The following GLS variants were observed in gnomAD, a reference collection of about 807,000 sequenced individuals.
GLS encodes glutaminase kidney isoform, mitochondrial.
GLS carries 36 observed loss-of-function variants against 86.7 expected under a neutral mutation model. The observed-to-expected ratio is 0.42, with a 90% CI of 0.32 to 0.55. GLS has a LOEUF of 0.55. Among genes scored for constraint, GLS ranks in the 20% least tolerant of loss-of-function variants. The probability of loss-of-function intolerance (pLI) is 0.17; values close to 1 mark genes in which losing one functional copy is unlikely to be tolerated. For synonymous variants in GLS, 317 were observed against 305.9 expected, an observed-to-expected ratio of 1.04 and a Z score of -0.38; for missense variants, 528 against 833.4, an observed-to-expected ratio of 0.63 and a Z score of 4.51.
At chr2:190,933,211 C>T in intron 14 of GLS, 1 of 870,804 alleles carries the variant, frequency 1.1e-6, no homozygotes, top group Non-Finnish European at 1.4e-6. Context: ...TTCTAAAATT[C>T]ACAAATTAAA....
Position 190,913,611 on chromosome 2 carries a change from ATTTG to A in GLS, c.1038+3294_1038+3297del. On this transcript the variant is annotated intron_variant, in intron 7 of 17. Transcript: ENST00000320717. This position sits in a 1 kb window ranked among gnomAD's most constrained non-coding sequence, Gnocchi z 6.1. Reference sequence around the variant, plus strand: ...ATATGATGTAGCAGTATCCTTACGTATTTGTTTTCTTTTCACTGGTAAAAATTTC... The same window carrying A: ...ATATGATGTAGCAGTATCCTTACGTATTTTCTTTTCACTGGTAAAAATTTC... 1.0e-6 allele frequency: 1 copy of A among 970,210 alleles called. No homozygotes were observed. The highest frequency in any genetic ancestry group is 1.2e-6 in the Non-Finnish European group (1 of 816,070). The allele number at this position is 970,210 out of a possible 1,614,324, so 60.1% of individuals were successfully genotyped here.
Position 190,963,183 on chromosome 2 carries a change from A to G in GLS, c.*197A>G. The stretch of plus-strand genomic sequence containing the variant: ...AATAGAAATAAAACAATCTCCCTCC[A>G]TAATGTGAGCAATATTACCTCGTGC... On this transcript the variant is annotated 3_prime_UTR_variant, in exon 18 of 18. Coordinates refer to ENST00000320717, the MANE Select transcript of GLS (RefSeq NM_014905.5). 4 of 455,550 alleles carry G rather than the reference A, an allele frequency of 8.8e-6. No homozygotes were observed. Among genetic ancestry groups the G allele is most frequent in the Non-Finnish European group, 1.6e-5 (4 of 256,842 alleles). 28.2% of individuals were successfully genotyped at this position (455,550 alleles called of 1,614,324 possible).
In GLS at chr2:190,955,304, G is replaced by A. The variant is rs1223830965; in HGVS notation, c.1853+486G>A. Among the ~76,000 whole-genome samples the A allele has an allele frequency of 6.6e-6, 1 of 152,038 alleles. No homozygotes were observed. Among genetic ancestry groups the A allele is most frequent in the African/African-American group, 2.4e-5 (1 of 41,360 alleles). ...TACCCTGACCCCCAAACAGGCCCTG[G>A]TGTGTGATGTTCCCCTCCCTGTGTC... On this transcript the variant is annotated intron_variant, in intron 17 of 17. Transcript: ENST00000320717. This position sits in a 1 kb window ranked among gnomAD's most constrained non-coding sequence, Gnocchi z 5.6.
chr2:190,899,962 AAATT>A (rs574716218), intron 3 of GLS, among the ~76,000 whole-genome samples: 537 of 152,234 alleles, frequency 3.5e-3, no homozygotes, highest in Admixed American at 6.6e-3. Context: ...AAATAATATA[AAATT>A]AATTATTACA....
chr2:190,947,584 C>T lies in GLS; in HGVS notation c.1651-5981C>T, dbSNP rs1574617559. On this transcript the variant is annotated intron_variant, in intron 14 of 17. Transcript: ENST00000320717. The surrounding 1 kb of genome is among the most constrained non-coding windows in gnomAD (Gnocchi z 5.0). ...AACATCAGAGCCCTTAATTTAATAG[C>T]TATTATTGCGGCTGTGTATAGTCTG... Among the ~76,000 whole-genome samples the T allele has an allele frequency of 6.6e-6, 1 of 152,284 alleles. No individual in the cohort carries two copies. Among genetic ancestry groups the T allele is most frequent in the East Asian group, 1.9e-4 (1 of 5,192 alleles).
chr2:190,934,368 CT>C, intron 14 of GLS: 1 of 960,036 alleles, frequency 1.0e-6, no homozygotes, highest in Non-Finnish European at 1.2e-6. Context: ...GCCAAAAAGC[CT>C]TTTGGGCTAA....
In GLS at chr2:190,888,493, C is replaced by T. The variant is rs577903744; in HGVS notation, c.387-6659C>T. ...ACTGTAATACAGTGATGCTGTAAGA[C>T]AAGTGCTGGCACACTTTCCCTGAAA... On this transcript the variant is annotated intron_variant, in intron 1 of 17. Coordinates refer to ENST00000320717, the MANE Select transcript of GLS (RefSeq NM_014905.5). Among the ~76,000 whole-genome samples, 6 of 152,292 alleles carry T rather than the reference C, an allele frequency of 3.9e-5. No individual in the cohort carries two copies. The South Asian group carries it at 1.2e-3, about 32-fold the overall frequency.
At chr2:190,903,211 AT>A (rs919245868) in intron 5 of GLS, among the ~76,000 whole-genome samples, 1 of 151,696 alleles carries the variant, frequency 6.6e-6, no homozygotes. Flanking sequence ...GGTGATTTTA[AT>A]TTTTTTTTAC....
chr2:190,933,140 T>G, intron 14 of GLS: 1 of 864,108 alleles, frequency 1.2e-6, no homozygotes, highest in African/African-American at 1.8e-5. Context: ...GTAATTAAAA[T>G]GTTAACTATG....
Position 190,954,582 on chromosome 2 carries a change from A to C in GLS, c.1713-2A>C. The C allele has an allele frequency of 6.2e-7, 1 of 1,603,692 alleles. No individual in the cohort carries two copies. The highest frequency in any genetic ancestry group is 8.5e-7 in the Non-Finnish European group (1 of 1,172,356). On this transcript the variant is annotated splice_acceptor_variant, in intron 15 of 17. Transcript: ENST00000320717. LOFTEE classifies it high-confidence loss of function. The surrounding 1 kb of genome is among the most constrained non-coding windows in gnomAD (Gnocchi z 4.0). ...TAAATAGCTGTGCTTACACATTTTC[A>C]GATTTGCTTTGTCAGCTATGGACAT...
At chr2:190,899,499 A>C (rs1014693166) in intron 3 of GLS, among the ~76,000 whole-genome samples, 3 of 152,142 alleles carry the variant, frequency 2.0e-5, no homozygotes, top group African/African-American at 4.8e-5. Flanking sequence ...CATCTAGAAC[A>C]ACTTGAATTA....
At chr2:190,927,141 C>T (rs1018374653) in intron 11 of GLS, 165 bp from the exon 12 acceptor site, 7 of 581,444 alleles carry the variant, frequency 1.2e-5, no homozygotes, top group Non-Finnish European at 1.7e-5. Flanking sequence ...GTGGGTAGGA[C>T]TTCGGTCAAC....
At chr2:190,958,496 TTTAA>T (rs994999470) in intron 17 of GLS, among the ~76,000 whole-genome samples, 5 of 152,194 alleles carry the variant, frequency 3.3e-5, no homozygotes, top group African/African-American at 1.2e-4. Flanking sequence ...CTCTAGCTGT[TTTAA>T]TTGTGATGTT....
At position 190,938,830 on chromosome 2, in the gene GLS, T is replaced by C. The variant is rs1237899008; in HGVS notation, c.1650+7193T>C. Among the ~76,000 whole-genome samples the C allele has an allele frequency of 6.6e-6, 1 of 151,750 alleles. No homozygotes were observed. Among genetic ancestry groups the C allele is most frequent in the Non-Finnish European group, 1.5e-5 (1 of 67,650 alleles). The stretch of plus-strand genomic sequence containing the variant: ...TGTATTTTTCTAGTAAGCAGTCTTA[T>C]GTCCCAGTTGTTAAAAATTAGTAAA... On this transcript the variant is annotated intron_variant, in intron 14 of 17. Transcript: ENST00000320717. This position sits in a 1 kb window ranked among gnomAD's most constrained non-coding sequence, Gnocchi z 4.1.
intron 14 of GLS, among the ~76,000 whole-genome samples, chr2:190,937,395 A>AC: frequency 6.6e-6 from 1 of 151,470 alleles, no homozygotes; most frequent in South Asian, 2.1e-4. Context: ...AATTTAGAAA[A>AC]CTACTCTAAG....
At chr2:190,888,328 T>G (rs1293141505) in intron 1 of GLS, among the ~76,000 whole-genome samples, 2 of 152,166 alleles carry the variant, frequency 1.3e-5, no homozygotes, top group African/African-American at 4.8e-5. Flanking sequence ...ACATCAAACT[T>G]TAAAAATTTA....
At chr2:190,922,671 T>C (rs1228268262) in intron 9 of GLS, among the ~76,000 whole-genome samples, 1 of 152,160 alleles carries the variant, frequency 6.6e-6, no homozygotes, top group Non-Finnish European at 1.5e-5. Context: ...AACTGCTGAC[T>C]AGTTAGTCAT....
At chr2:190,892,661 G>A (rs1275940398) in intron 1 of GLS, among the ~76,000 whole-genome samples, 1 of 152,146 alleles carries the variant, frequency 6.6e-6, no homozygotes, top group African/African-American at 2.4e-5. Context: ...CTGCCTTGTG[G>A]AAAGTTTGAG....
At chr2:190,911,236 A>G (rs980377249) in intron 7 of GLS, among the ~76,000 whole-genome samples, 6 of 152,020 alleles carry the variant, frequency 3.9e-5, no homozygotes, top group African/African-American at 1.4e-4. Flanking sequence ...TACATGAAGG[A>G]TATTTGAGTA....
Sources: allele counts gnomAD v4.1 joint callset (sites outside exome capture counted in the v4.1 genomes callset), GRCh38; gene constraint gnomAD v4.1.1; non-coding constraint Gnocchi (gnomAD v3.1); transcripts MANE v1.5; gene names NCBI Gene and HGNC (gene_info 2026-07-23, HGNC 2026-07-21).